DOCK4: variants seen among roughly 807,000 people sequenced by gnomAD.
The protein encoded by DOCK4 is dedicator of cytokinesis protein 4.
Under a neutral mutation model 268.1 loss-of-function variants are expected in DOCK4, and 97 were observed. The observed-to-expected ratio is 0.36, with a 90% confidence interval of 0.31 to 0.43. DOCK4 has a LOEUF of 0.43. DOCK4 is among the 20% of genes least tolerant of loss of function. The pLI is 1.00. For missense variants in DOCK4, 2,145 were observed against 2,455.7 expected, an observed-to-expected ratio of 0.87 and a Z score of 2.67; for synonymous variants, 954 against 887.2, an observed-to-expected ratio of 1.08 and a Z score of -1.34.
chr7:111,892,952 A>T (rs1378195813), intron 16 of DOCK4, among the ~76,000 whole-genome samples: 1 of 152,160 alleles, frequency 6.6e-6, no homozygotes, highest in Non-Finnish European at 1.5e-5. Context: ...TGTGGAGCAA[A>T]TGCTTCCTGA....
At chr7:112,008,372 A>G (rs918110292) in intron 1 of DOCK4, among the ~76,000 whole-genome samples, 4 of 152,208 alleles carry the variant, frequency 2.6e-5, no homozygotes, top group Non-Finnish European at 5.9e-5. Flanking sequence ...TCATAGCATA[A>G]CCATTTTGAA....
chr7:112,006,484 T>C (rs928020145), intron 1 of DOCK4, among the ~76,000 whole-genome samples: 37 of 152,242 alleles, frequency 2.4e-4, no homozygotes, highest in African/African-American at 8.9e-4. Context: ...GCCATAACCA[T>C]GTATTATCTC....
At chr7:111,920,513 C>A (rs1459790913) in intron 12 of DOCK4, among the ~76,000 whole-genome samples, 1 of 152,130 alleles carries the variant, frequency 6.6e-6, no homozygotes, top group Non-Finnish European at 1.5e-5. Context: ...TGACACAGGG[C>A]ATGTTTGGAG....
At chr7:112,007,067 G>A (rs1219411694) in intron 1 of DOCK4, among the ~76,000 whole-genome samples, 1 of 152,122 alleles carries the variant, frequency 6.6e-6, no homozygotes, top group East Asian at 1.9e-4. Context: ...TTGCTCCAAG[G>A]TTAGGACATT....
intron 47 of DOCK4, 99 bp downstream of exon 47, chr7:111,740,995 C>G: frequency 1.4e-6 from 2 of 1,435,430 alleles, no homozygotes; most frequent in Non-Finnish European, 1.9e-6. Context: ...CAAGTTCTTG[C>G]TTGTTGGTCT....
intron 12 of DOCK4, 22 bp from the exon 13 acceptor site, chr7:111,915,926 C>A: frequency 1.2e-6 from 2 of 1,602,020 alleles, no homozygotes; most frequent in South Asian, 1.1e-5. Flanking sequence ...GAGAGATACC[C>A]GAGTTAAAAA....
At chr7:111,819,079 A>G (rs17158863) in intron 27 of DOCK4, among the ~76,000 whole-genome samples, 14,479 of 152,230 alleles carry the variant, frequency 0.095, 2,197 homozygotes, top group African/African-American at 0.32. Flanking sequence ...TTTTGGCTAC[A>G]TAGATCTCAT....
intron 1 of DOCK4, among the ~76,000 whole-genome samples, chr7:112,023,269 G>A (rs1802496212): frequency 6.6e-6 from 1 of 152,154 alleles, no homozygotes; most frequent in Non-Finnish European, 1.5e-5. Flanking sequence ...GATTTCCAGA[G>A]TTGCTCTACA....
rs190438062 is a variant in DOCK4 at position 111,851,316 on chromosome 7, C to T, written c.2474-4190G>A. On this transcript the variant is annotated intron_variant, in intron 23 of 52. Coordinates refer to ENST00000428084, the MANE Select transcript of DOCK4 (RefSeq NM_001363540.2). ...AAAATTAGCTGGGCGTGGCGGCACG[C>T]GCCTGTAAGTCCCAGCTACTAGGGA... is the stretch of plus-strand genomic sequence containing the variant. 2.2e-3 allele frequency among the ~76,000 whole-genome samples: 334 copies of T among 151,930 alleles called. 3 individuals are homozygous for T. The highest frequency in any genetic ancestry group is 7.6e-3 in the African/African-American group (314 of 41,446).
intron 1 of DOCK4, among the ~76,000 whole-genome samples, chr7:112,130,045 C>A (rs1813660426): frequency 6.6e-6 from 1 of 152,190 alleles, no homozygotes; most frequent in African/African-American, 2.4e-5. Flanking sequence ...CACGGAGCCA[C>A]TTTTAACTCT....
intron 28 of DOCK4, among the ~76,000 whole-genome samples, chr7:111,810,053 C>T (rs1212138219): frequency 1.3e-5 from 2 of 149,170 alleles, no homozygotes; most frequent in Non-Finnish European, 3.0e-5. Flanking sequence ...AAATTAAAGA[C>T]ATAACAAACC....
chr7:111,893,154 G>T (rs1808429525), intron 16 of DOCK4, among the ~76,000 whole-genome samples: 1 of 152,116 alleles, frequency 6.6e-6, no homozygotes, highest in African/African-American at 2.4e-5. Flanking sequence ...GAAAAGTTTT[G>T]GCCCTGACGA....
At chr7:111,907,531 T>C (rs1208979685) in intron 13 of DOCK4, among the ~76,000 whole-genome samples, 1 of 152,018 alleles carries the variant, frequency 6.6e-6, no homozygotes, top group African/African-American at 2.4e-5. Context: ...CTGATCTAGG[T>C]CTGGGATAAA....
intron 1 of DOCK4, among the ~76,000 whole-genome samples, chr7:112,060,790 T>C (rs997273946): frequency 4.6e-5 from 7 of 152,044 alleles, no homozygotes; most frequent in Admixed American, 3.3e-4. Context: ...GAAAATACAA[T>C]GGAGGTTGCC....
At chr7:111,880,552 C>A (rs977719367) in intron 16 of DOCK4, among the ~76,000 whole-genome samples, 5 of 152,162 alleles carry the variant, frequency 3.3e-5, no homozygotes, top group Non-Finnish European at 2.9e-5. Context: ...CAGAAAAACA[C>A]AGAATAGTAT....
intron 1 of DOCK4, among the ~76,000 whole-genome samples, chr7:112,077,629 T>C (rs1389146107): frequency 2.0e-5 from 3 of 152,134 alleles, no homozygotes; most frequent in African/African-American, 7.2e-5. Context: ...TAGTGTGTAA[T>C]AGATTACCTT....
At chr7:111,938,490 G>A (rs1396809387) in intron 11 of DOCK4, among the ~76,000 whole-genome samples, 1 of 152,160 alleles carries the variant, frequency 6.6e-6, no homozygotes, top group African/African-American at 2.4e-5. Context: ...AACCAGGAGT[G>A]TGGAAACCCT....
intron 1 of DOCK4, among the ~76,000 whole-genome samples, chr7:112,183,277 AG>A (rs142609253): frequency 0.049 from 7,452 of 152,256 alleles, 294 homozygotes; most frequent in African/African-American, 0.11. Flanking sequence ...TGGGAATAGG[AG>A]GGGGAGAACT....
At chr7:112,112,795 T>C (rs1161945801) in intron 1 of DOCK4, among the ~76,000 whole-genome samples, 1 of 152,140 alleles carries the variant, frequency 6.6e-6, no homozygotes, top group African/African-American at 2.4e-5. Context: ...GGCCTCTCAA[T>C]CTCATTGGCT....
Sources: allele counts gnomAD v4.1 joint callset (sites outside exome capture counted in the v4.1 genomes callset), GRCh38; gene constraint gnomAD v4.1.1; transcripts MANE v1.5; gene names NCBI Gene and HGNC (gene_info 2026-07-23, HGNC 2026-07-21).